Variants in WFS1 observed in about 807,000 individuals in gnomAD.
The protein encoded by WFS1 is wolframin ER transmembrane glycoprotein.
WFS1 carries 90 observed loss-of-function variants against 68.5 expected under a neutral mutation model. The ratio of observed to expected loss-of-function variants is 1.31; its 90% CI spans 1.11 to 1.56. The LOEUF (loss-of-function observed/expected upper bound fraction) is 1.56, where lower values mean the gene tolerates loss of function less well. Ranked by LOEUF, WFS1 falls within the 40% of genes most tolerant of loss-of-function variation. The probability of loss-of-function intolerance (pLI) is 0.00; values close to 1 mark genes in which losing one functional copy is unlikely to be tolerated. For synonymous variants in WFS1, 860 were observed against 540.7 expected, an observed-to-expected ratio of 1.59 and a Z score of -8.19; for missense variants, 1,767 against 1,232.6, an observed-to-expected ratio of 1.43 and a Z score of -6.49.
chr4:6,302,206 T>G lies in WFS1; in HGVS notation c.2411T>G (p.Leu804Arg). ...EEDDVTKDIV[L>R]RASSEFKSVL... ...GACGACGTCACCAAGGACATCGTGC[T>G]GCGGGCCAGCAGCGAGTTCAAGAGC... Residue 804 changes from leucine (L) to arginine (R), a missense_variant, in exon 8 of 8, where the codon CTG becomes CGG. Physicochemically the swap from Leu to Arg is moderately radical, Grantham distance 102. Coordinates refer to ENST00000226760, the MANE Select transcript of WFS1 (RefSeq NM_006005.3). 6.2e-7 allele frequency: 1 copy of G among 1,611,478 alleles called. No homozygotes were observed. The highest frequency in any genetic ancestry group is 8.5e-7 in the Non-Finnish European group (1 of 1,179,166).
rs772915458 is a variant in WFS1, at chr4:6,291,263, T to A, written c.527T>A (p.Val176Glu). ...TCCGAGACCGACCTGGAGAGGGCCG[T>A]GCGCAAGGCAGCCCTGGTCATGTAC... ...LSSETDLERA[V>E]RKAALVMYWK... The change falls in exon 5 of 8, where the codon GTG becomes GAG. Residue 176 changes from valine (V) to glutamate (E), a missense_variant. Transcript: ENST00000226760. 1.9e-6 allele frequency: 3 copies of A among 1,612,370 alleles called. No individual in the cohort carries two copies. Among genetic ancestry groups the A allele is most frequent in the African/African-American group, 2.7e-5 (2 of 74,474 alleles).
intron 1 of WFS1, among the ~76,000 whole-genome samples, chr4:6,273,211 G>C (rs960430510): frequency 6.6e-6 from 1 of 152,238 alleles, no homozygotes; most frequent in African/African-American, 2.4e-5. Flanking sequence ...ATTCTGCTGC[G>C]GGTCTGAGTG....
intron 2 of WFS1, among the ~76,000 whole-genome samples, chr4:6,278,624 G>A (rs903933681): frequency 1.3e-5 from 2 of 152,216 alleles, no homozygotes; most frequent in African/African-American, 4.8e-5. Flanking sequence ...AGTGGTCCAG[G>A]TTTCCTTCTT....
At chr4:6,274,726 A>G (rs1314841745) in intron 1 of WFS1, among the ~76,000 whole-genome samples, 2 of 152,112 alleles carry the variant, frequency 1.3e-5, no homozygotes, top group East Asian at 3.9e-4. Context: ...TTCCGGGAAG[A>G]GGGCCCTGCA....
chr4:6,280,038 G>A (rs184860016), intron 2 of WFS1, among the ~76,000 whole-genome samples: 6 of 151,668 alleles, frequency 4.0e-5, no homozygotes, highest in Admixed American at 2.0e-4. Context: ...CAACGGGTCG[G>A]GGCTTGGAAG....
At chr4:6,276,801 G>A (rs1376411840) in intron 1 of WFS1, among the ~76,000 whole-genome samples, 1 of 152,186 alleles carries the variant, frequency 6.6e-6, no homozygotes, top group Non-Finnish European at 1.5e-5. Context: ...GGGCAGGGTG[G>A]GTCCCTCCTG....
chr4:6,286,024 G>A (rs1730299733), intron 2 of WFS1, among the ~76,000 whole-genome samples: 1 of 152,024 alleles, frequency 6.6e-6, no homozygotes, highest in Non-Finnish European at 1.5e-5. Flanking sequence ...GAAAAGAAAC[G>A]GTTCATGGCA....
In WFS1 at chr4:6,292,843, C is replaced by G. The variant is rs750571865; in HGVS notation, c.712+846C>G. Among the ~76,000 whole-genome samples, 15 of 152,284 alleles carry G rather than the reference C, an allele frequency of 9.9e-5. 1 individual carries two copies. In the South Asian group the frequency reaches 2.3e-3, roughly 23 times the overall value. On this transcript the variant is annotated intron_variant, in intron 6 of 7. Transcript: ENST00000226760. Reference sequence around the variant, plus strand: ...AGGGGACTGAAGGACCTCGCCCATCCTAGAAGCCTCTGTGGCATGTAGGGC... The same window carrying G: ...AGGGGACTGAAGGACCTCGCCCATCGTAGAAGCCTCTGTGGCATGTAGGGC...
intron 4 of WFS1, 27 bp from the exon 5 acceptor site, chr4:6,291,170 G>A (rs1163917719): frequency 3.7e-6 from 6 of 1,610,388 alleles, no homozygotes; most frequent in Non-Finnish European, 5.1e-6. Context: ...GGGCACACAA[G>A]GCCTTTGACC....
rs745734152 is a variant in WFS1, at chr4:6,301,497, T to TTTGCCCTCCC, written c.1703_1712dup (p.Ile572CysfsTer37). 1 of 1,613,372 alleles carries TTTGCCCTCCC rather than the reference T, an allele frequency of 6.2e-7. No individual in the cohort carries two copies. The highest frequency in any genetic ancestry group is 2.2e-5 in the East Asian group (1 of 44,876). ...CTCCATCGGCTACTTCCTCTTCCTCTTTGCCCTCCCCATCCTGGTGGCCGG... is the reference window on the plus strand; with the variant it reads ...CTCCATCGGCTACTTCCTCTTCCTCTTTGCCCTCCCTTGCCCTCCCCATCCTGGTGGCCGG... On this transcript the variant is annotated frameshift_variant, in exon 8 of 8. Coordinates refer to ENST00000226760, the MANE Select transcript of WFS1 (RefSeq NM_006005.3). LOFTEE classifies it high-confidence loss of function.
At chr4:6,281,401 A>G (rs1357383297) in intron 2 of WFS1, among the ~76,000 whole-genome samples, 1 of 152,052 alleles carries the variant, frequency 6.6e-6, no homozygotes, top group Non-Finnish European at 1.5e-5. Context: ...GGTCAGGGAA[A>G]GGAGAGGGCA....
chr4:6,298,536 C>T (rs1431609104), intron 7 of WFS1, among the ~76,000 whole-genome samples: 1 of 151,436 alleles, frequency 6.6e-6, no homozygotes, highest in African/African-American at 2.4e-5. Context: ...ATACATGAAG[C>T]AGCAGAGCTG....
chr4:6,277,660 A>G lies in WFS1; in HGVS notation c.205A>G (p.Arg69Gly). 6.4e-7 allele frequency: 1 copy of G among 1,564,154 alleles called. No homozygotes were observed. The highest frequency in any genetic ancestry group is 8.7e-7 in the Non-Finnish European group (1 of 1,154,794). ...APAEPQAQHT[R>G]SRERADGTGP... Reference sequence around the variant, plus strand: ...CGCTGAACCCCAGGCCCAGCATACCAGGAGCCGGGAAAGAGCAGACGGCAC... The same window carrying G: ...CGCTGAACCCCAGGCCCAGCATACCGGGAGCCGGGAAAGAGCAGACGGCAC... The change falls in exon 2 of 8, where the codon AGG becomes GGG. Residue 69 changes from arginine (R) to glycine (G), a missense_variant. Coordinates refer to ENST00000226760, the MANE Select transcript of WFS1 (RefSeq NM_006005.3).
intron 7 of WFS1, among the ~76,000 whole-genome samples, chr4:6,300,020 C>T (rs940232460): frequency 2.0e-5 from 3 of 151,968 alleles, no homozygotes; most frequent in African/African-American, 7.3e-5. Flanking sequence ...TTCTCAGGGT[C>T]TCCGGCCATA....
At chr4:6,296,004 C>T (rs1027060382) in intron 7 of WFS1, among the ~76,000 whole-genome samples, 2 of 152,226 alleles carry the variant, frequency 1.3e-5, no homozygotes, top group Non-Finnish European at 2.9e-5. Context: ...ATGATTGTCA[C>T]AGAGGCTGCG....
At chr4:6,292,403 G>T (rs1730492393) in intron 6 of WFS1, among the ~76,000 whole-genome samples, 1 of 150,554 alleles carries the variant, frequency 6.6e-6, no homozygotes, top group Non-Finnish European at 1.5e-5. Flanking sequence ...ATGAGCAAAG[G>T]CCCAGGAGAC....
Position 6,291,279 on chromosome 4 carries a change from G to A in WFS1, c.543G>A (p.Leu181=). ...AGAGGGCCGTGCGCAAGGCAGCCCTGGTCATGTACTGGAAGCTCAACCCCA... is the reference window on the plus strand; with the variant it reads ...AGAGGGCCGTGCGCAAGGCAGCCCTAGTCATGTACTGGAAGCTCAACCCCA... The part of the protein sequence containing the change: ...DLERAVRKAA[L]VMYWKLNPKK... The change falls in exon 5 of 8, where the codon CTG becomes CTA. Residue 181 remains leucine, a synonymous_variant. Coordinates refer to ENST00000226760, the MANE Select transcript of WFS1 (RefSeq NM_006005.3). 6.2e-7 allele frequency: 1 copy of A among 1,613,482 alleles called. No individual in the cohort carries two copies. Among genetic ancestry groups the A allele is most frequent in the South Asian group, 1.1e-5 (1 of 91,050 alleles).
chr4:6,271,228 G>T (rs961190922), intron 1 of WFS1, among the ~76,000 whole-genome samples: 3 of 152,222 alleles, frequency 2.0e-5, no homozygotes, highest in Admixed American at 1.3e-4. Context: ...TCCAACCAGG[G>T]ATTTGGAGGG....
Position 6,281,888 on chromosome 4 carries a change from T to G in WFS1, c.232+4201T>G, listed in dbSNP as rs375482356. On this transcript the variant is annotated intron_variant, in intron 2 of 7. Coordinates refer to ENST00000226760, the MANE Select transcript of WFS1 (RefSeq NM_006005.3). Reference sequence around the variant, plus strand: ...GACTGGCCACAGGATCTGGTGGCACTCAGTCTTCTGGGAACTTGGCAGTGT... The same window carrying G: ...GACTGGCCACAGGATCTGGTGGCACGCAGTCTTCTGGGAACTTGGCAGTGT... 1.3e-3 allele frequency among the ~76,000 whole-genome samples: 199 copies of G among 152,320 alleles called. 7 individuals are homozygous for G. In the South Asian group the frequency reaches 0.038, roughly 29 times the overall value.
Sources: allele counts gnomAD v4.1 joint callset (sites outside exome capture counted in the v4.1 genomes callset), GRCh38; gene constraint gnomAD v4.1.1; transcripts MANE v1.5; gene names NCBI Gene and HGNC (gene_info 2026-07-23, HGNC 2026-07-21).